The following NR3C1 variants were observed in gnomAD, a reference collection of about 807,000 sequenced individuals.
The protein encoded by NR3C1 is glucocorticoid receptor.
In NR3C1, 14 loss-of-function variants were observed where a neutral mutation model predicts 74.0. The observed-to-expected ratio is 0.19, with a 90% CI of 0.12 to 0.30. The LOEUF (loss-of-function observed/expected upper bound fraction) is 0.30. Among genes scored for constraint, NR3C1 ranks in the 10% least tolerant of loss-of-function variants. The pLI is 1.00. For missense variants in NR3C1, 695 were observed against 909.8 expected, an observed-to-expected ratio of 0.76 and a Z score of 3.04; for synonymous variants, 308 against 332.5, an observed-to-expected ratio of 0.93 and a Z score of 0.80.
At chr5:143,287,367 T>C (rs1042406315) in intron 7 of NR3C1, among the ~76,000 whole-genome samples, 4 of 152,096 alleles carry the variant, frequency 2.6e-5, no homozygotes, top group African/African-American at 9.7e-5. Flanking sequence ...CTATGGATCC[T>C]ACAAAACTTA....
intron 1 of NR3C1, among the ~76,000 whole-genome samples, chr5:143,432,505 G>C (rs932056223): frequency 6.6e-6 from 1 of 152,120 alleles, no homozygotes; most frequent in African/African-American, 2.4e-5. Context: ...CTGGCTGCAC[G>C]TCAGCACCCT....
intron 2 of NR3C1, among the ~76,000 whole-genome samples, chr5:143,343,897 C>G (rs548974491): frequency 2.0e-5 from 3 of 152,256 alleles, no homozygotes; most frequent in African/African-American, 7.2e-5. Flanking sequence ...AAACCAGCAT[C>G]ATAGATAAAT....
At chr5:143,336,861 C>A (rs1827219145) in intron 2 of NR3C1, among the ~76,000 whole-genome samples, 2 of 151,600 alleles carry the variant, frequency 1.3e-5, no homozygotes, top group Admixed American at 1.3e-4. Flanking sequence ...TACCTGTAAT[C>A]CTAGCTACTC....
chr5:143,356,378 G>A (rs1388876184), intron 2 of NR3C1, among the ~76,000 whole-genome samples: 2 of 152,030 alleles, frequency 1.3e-5, no homozygotes, highest in African/African-American at 4.8e-5. Flanking sequence ...AGCATCCAGA[G>A]AAATAGAAAA....
At chr5:143,418,167 C>T (rs1343087408) in intron 1 of NR3C1, among the ~76,000 whole-genome samples, 2 of 152,218 alleles carry the variant, frequency 1.3e-5, no homozygotes, top group East Asian at 3.8e-4. Context: ...GATATATAAT[C>T]TTCAGTTGTC....
chr5:143,402,263 CAAT>C (rs1840433614), intron 1 of NR3C1, among the ~76,000 whole-genome samples: 1 of 152,150 alleles, frequency 6.6e-6, no homozygotes, highest in Non-Finnish European at 1.5e-5. Context: ...GAAACCAAAA[CAAT>C]ATTTCCTAAA....
chr5:143,420,333 T>A (rs770624970), intron 1 of NR3C1, among the ~76,000 whole-genome samples: 1 of 152,200 alleles, frequency 6.6e-6, no homozygotes, highest in African/African-American at 2.4e-5. Flanking sequence ...TAAGTGTCCA[T>A]GAAATCTTCA....
chr5:143,353,648 G>A (rs997000852), intron 2 of NR3C1, among the ~76,000 whole-genome samples: 1 of 152,166 alleles, frequency 6.6e-6, no homozygotes. Flanking sequence ...TTTTTTCTGA[G>A]CAGTTGAACA....
At chr5:143,305,128 C>G (rs1459890513) in intron 4 of NR3C1, among the ~76,000 whole-genome samples, 1 of 152,146 alleles carries the variant, frequency 6.6e-6, no homozygotes, top group Non-Finnish European at 1.5e-5. Flanking sequence ...AACTATGCAT[C>G]TGACAAAGCC....
intron 2 of NR3C1, among the ~76,000 whole-genome samples, chr5:143,363,638 G>A (rs1832681557): frequency 6.6e-6 from 1 of 151,972 alleles, no homozygotes; most frequent in African/African-American, 2.4e-5. Flanking sequence ...CATAAACTAT[G>A]TCTAAAGAAC....
chr5:143,285,017 A>AGTCTTCGGCTG, intron 7 of NR3C1, among the ~76,000 whole-genome samples: 2 of 140,014 alleles, frequency 1.4e-5, no homozygotes, highest in African/African-American at 5.5e-5. Context: ...AAATCTGTAC[A>AGTCTTCGGCTG]ATTTATGGGT....
chr5:143,320,239 T>TTAGCAGAAC (rs1222167955), intron 2 of NR3C1, among the ~76,000 whole-genome samples: 9 of 152,324 alleles, frequency 5.9e-5, no homozygotes, highest in African/African-American at 2.2e-4. Flanking sequence ...TCACAATATT[T>TTAGCAGAAC]CTGTTAAATG....
chr5:143,357,554 A>T (rs1347702918), intron 2 of NR3C1, among the ~76,000 whole-genome samples: 1 of 152,152 alleles, frequency 6.6e-6, no homozygotes, highest in African/African-American at 2.4e-5. Flanking sequence ...AACCCACCTC[A>T]TGAACTACAA....
chr5:143,336,489 C>T (rs1308724630), intron 2 of NR3C1, among the ~76,000 whole-genome samples: 1 of 151,978 alleles, frequency 6.6e-6, no homozygotes, highest in Admixed American at 6.6e-5. Context: ...AAGAAGCAAC[C>T]TAATTATTAT....
chr5:143,298,828 T>C lies in NR3C1; in HGVS notation c.1748-16A>G, dbSNP rs760111165. ...TTCCTGAAACCTGAATTAAGAGAAATAAAGGTATGAGGCAACACTCTTCAG... is the reference window on the plus strand; with the variant it reads ...TTCCTGAAACCTGAATTAAGAGAAACAAAGGTATGAGGCAACACTCTTCAG... On this transcript the variant is annotated splice_polypyrimidine_tract_variant and intron_variant, in intron 5 of 8. Transcript: ENST00000394464. The C allele has an allele frequency of 1.2e-6, 2 of 1,610,706 alleles. No homozygotes were observed. The highest frequency in any genetic ancestry group is 2.2e-5 in the East Asian group (1 of 44,772).
rs1196293663 is a variant in NR3C1 at position 143,278,697 on chromosome 5, T to TAAC, written c.*3189_*3191dup. On this transcript the variant is annotated 3_prime_UTR_variant, in exon 9 of 9. Coordinates refer to ENST00000394464, the MANE Select transcript of NR3C1 (RefSeq NM_000176.3). ...AAGTTTGACAGATCAATGTATTGTA[T>TAAC]AACAATATTTTTCATTCCATGGTGA... 2 of 152,190 alleles carry TAAC rather than the reference T, an allele frequency of 1.3e-5. No individual in the cohort carries two copies. Among genetic ancestry groups the TAAC allele is most frequent in the African/African-American group, 4.8e-5 (2 of 41,442 alleles). The allele number at this position is 152,190 out of a possible 1,614,324, so 9.4% of individuals were successfully genotyped here. A position where few individuals can be genotyped will look rare whatever the true frequency, so the allele number is the denominator to read the frequency against.
chr5:143,345,808 A>G (rs1168932477), intron 2 of NR3C1, among the ~76,000 whole-genome samples: 1 of 152,150 alleles, frequency 6.6e-6, no homozygotes, highest in Non-Finnish European at 1.5e-5. Flanking sequence ...TCAGTGGTTA[A>G]TATTATAAGT....
At chr5:143,371,509 C>T (rs1195299897) in intron 2 of NR3C1, among the ~76,000 whole-genome samples, 2 of 152,208 alleles carry the variant, frequency 1.3e-5, no homozygotes, top group Admixed American at 6.5e-5. Flanking sequence ...GGGATCAATG[C>T]TTGCTGACAG....
intron 2 of NR3C1, among the ~76,000 whole-genome samples, chr5:143,316,563 C>T (rs753353998): frequency 3.9e-5 from 6 of 152,240 alleles, no homozygotes; most frequent in Non-Finnish European, 8.8e-5. Flanking sequence ...GGTGGTTCAT[C>T]AGGGAGCCTA....
Sources: gnomAD v4.1 joint callset for allele counts (sites outside exome capture counted in the v4.1 genomes callset) on GRCh38, gnomAD v4.1.1 for gene constraint, MANE v1.5 for transcripts, NCBI Gene and HGNC (gene_info 2026-07-23, HGNC 2026-07-21) for gene names.